Variants in TEX11 observed in about 807,000 individuals in gnomAD.
TEX11 encodes testis-expressed protein 11.
Under a neutral mutation model 84.4 loss-of-function variants are expected in TEX11, and 7 were observed. The ratio of observed to expected loss-of-function variants is 0.08; its 90% confidence interval spans 0.05 to 0.16. The LOEUF (loss-of-function observed/expected upper bound fraction) is 0.16, where lower values mean the gene tolerates loss of function less well. TEX11 is among the 10% of genes least tolerant of loss of function. The pLI is 1.00. For synonymous variants in TEX11, 264 were observed against 222.8 expected, an observed-to-expected ratio of 1.18 and a Z score of -1.64; for missense variants, 551 against 660.5, an observed-to-expected ratio of 0.83 and a Z score of 1.82.
chrX:70,604,865 C>T (rs2089177246), intron 24 of TEX11, among the ~76,000 whole-genome samples: 1 of 111,546 alleles, frequency 9.0e-6, no homozygotes, highest in East Asian at 2.8e-4. Context: ...ATATTGATAG[C>T]TCCTAAAAGG....
chrX:70,522,049 T>G, the TEX11 span, among the ~76,000 whole-genome samples: 4 of 111,249 alleles, frequency 3.6e-5, no homozygotes, highest in East Asian at 1.1e-3. Flanking sequence ...TTGTAGAGAC[T>G]GGGTTTCACC....
intron 10 of TEX11, among the ~76,000 whole-genome samples, chrX:70,742,769 T>A (rs1469467161): frequency 1.8e-5 from 2 of 110,383 alleles, no homozygotes; most frequent in African/African-American, 6.6e-5. Context: ...GTTGCCCAGA[T>A]GGAATGCAGT....
At chrX:70,793,183 A>G (rs898294593) in intron 9 of TEX11, among the ~76,000 whole-genome samples, 4 of 111,772 alleles carry the variant, frequency 3.6e-5, no homozygotes, top group African/African-American at 1.3e-4. Context: ...CTAGGCATCA[A>G]AGGAACATAT....
chrX:70,805,199 G>C (rs7065328), intron 9 of TEX11, among the ~76,000 whole-genome samples: 24,516 of 108,824 alleles, frequency 0.23, 2,189 homozygotes, highest in Admixed American at 0.4. Flanking sequence ...TCAACATTTT[G>C]CTAGTGATAG....
chrX:70,705,655 G>A (rs1603228975), intron 13 of TEX11, among the ~76,000 whole-genome samples: 1 of 112,049 alleles, frequency 8.9e-6, no homozygotes, highest in East Asian at 2.8e-4. Context: ...CAAAGGATAT[G>A]AGCAGACACT....
chrX:70,837,172 A>C lies in TEX11; in HGVS notation c.526-3579T>G, dbSNP rs371397642. Among the ~76,000 whole-genome samples, 10 of 112,487 alleles carry C rather than the reference A, an allele frequency of 8.9e-5. No homozygotes were observed. The East Asian group carries it at 2.5e-3, about 28-fold the overall frequency. On this transcript the variant is annotated intron_variant, in intron 7 of 29. Coordinates refer to ENST00000374333, the MANE Select transcript of TEX11 (RefSeq NM_031276.3). ...GAAATGTTCATGCCAACTTATTTAC[A>C]ATAGCCAAAAATTGGAAACAACCCA...
intron 17 of TEX11, among the ~76,000 whole-genome samples, chrX:70,631,798 A>T (rs2089513142): frequency 1.5e-5 from 1 of 68,811 alleles, no homozygotes; most frequent in Non-Finnish European, 2.7e-5. Flanking sequence ...CTTCCTCCGA[A>T]TCAGAAGACT....
At chrX:70,771,355 G>A (rs1360266714) in intron 9 of TEX11, among the ~76,000 whole-genome samples, 2 of 111,816 alleles carry the variant, frequency 1.8e-5, no homozygotes, top group African/African-American at 6.5e-5. Flanking sequence ...ATTTTTTACA[G>A]AACATCTTCA....
intron 25 of TEX11, among the ~76,000 whole-genome samples, chrX:70,568,652 C>T (rs1247840254): frequency 2.7e-5 from 3 of 110,777 alleles, no homozygotes; most frequent in African/African-American, 9.8e-5. Context: ...TTTTATTTCT[C>T]CTTCACTTAT....
At chrX:70,689,083 T>C (rs1319710925) in intron 13 of TEX11, among the ~76,000 whole-genome samples, 1 of 110,296 alleles carries the variant, frequency 9.1e-6, no homozygotes. Flanking sequence ...AATTGAACAA[T>C]TAAAAAATTA....
intron 9 of TEX11, among the ~76,000 whole-genome samples, chrX:70,771,999 G>A (rs927924198): frequency 1.8e-5 from 2 of 111,758 alleles, no homozygotes; most frequent in African/African-American, 6.5e-5. Flanking sequence ...ATGGCACGAA[G>A]CTTTATGCTG....
intron 9 of TEX11, among the ~76,000 whole-genome samples, chrX:70,748,324 A>C (rs148664159): frequency 0.011 from 1,217 of 111,725 alleles, 11 homozygotes; most frequent in African/African-American, 0.038. Context: ...TGAAGAGAAA[A>C]TCTTGAAAAC....
intron 17 of TEX11, among the ~76,000 whole-genome samples, chrX:70,639,065 G>A (rs181101346): frequency 1.1e-3 from 117 of 110,812 alleles, no homozygotes; most frequent in East Asian, 2.6e-3. Context: ...CCCACCGTGC[G>A]CTAGCCGAAG....
intron 2 of TEX11, among the ~76,000 whole-genome samples, chrX:70,887,134 C>A (rs1336728487): frequency 9.0e-6 from 1 of 111,709 alleles, no homozygotes; most frequent in African/African-American, 3.2e-5. Context: ...CTGTATCCTT[C>A]CCTTCAAGGC....
chrX:70,682,300 C>T (rs1350398267), intron 14 of TEX11, among the ~76,000 whole-genome samples: 1 of 111,029 alleles, frequency 9.0e-6, no homozygotes, highest in Non-Finnish European at 1.9e-5. Flanking sequence ...GTTTAGTTCA[C>T]AATCATCATT....
intron 17 of TEX11, among the ~76,000 whole-genome samples, chrX:70,634,730 T>G (rs2089550329): frequency 9.0e-6 from 1 of 111,637 alleles, no homozygotes; most frequent in East Asian, 2.8e-4. Flanking sequence ...AAAAAAAATT[T>G]TCAATCCATA....
intron 2 of TEX11, among the ~76,000 whole-genome samples, chrX:70,885,888 CAA>C (rs780384460): frequency 1.7e-4 from 7 of 41,375 alleles, no homozygotes; most frequent in Admixed American, 5.2e-4. Context: ...GACACTGCCA[CAA>C]AAAAAAAAAA....
At chrX:70,813,355 T>C (rs1262944381) in intron 8 of TEX11, among the ~76,000 whole-genome samples, 1 of 111,834 alleles carries the variant, frequency 8.9e-6, no homozygotes, top group African/African-American at 3.3e-5. Flanking sequence ...AACCACATGA[T>C]TATCTCAATA....
chrX:70,730,930 C>G (rs1441732310), intron 11 of TEX11, among the ~76,000 whole-genome samples: 30 of 111,715 alleles, frequency 2.7e-4, no homozygotes, highest in Non-Finnish European at 3.4e-4. Flanking sequence ...AAATGTAAAA[C>G]AACAGAAATT....
Sources: gnomAD v4.1 joint callset for allele counts (sites outside exome capture counted in the v4.1 genomes callset) on GRCh38, gnomAD v4.1.1 for gene constraint, MANE v1.5 for transcripts, NCBI Gene and HGNC (gene_info 2026-07-23, HGNC 2026-07-21) for gene names.